The following DOCK3 variants were observed in gnomAD, a reference collection of about 807,000 sequenced individuals.
The protein encoded by DOCK3 is dedicator of cytokinesis protein 3.
Under a neutral mutation model 265.6 loss-of-function variants are expected in DOCK3, and 60 were observed. The observed-to-expected ratio is 0.23, with a 90% confidence interval of 0.18 to 0.28. The LOEUF (loss-of-function observed/expected upper bound fraction) is 0.28, where lower values mean the gene tolerates loss of function less well. DOCK3 is among the 10% of genes least tolerant of loss of function. The pLI is 1.00. For synonymous variants in DOCK3, 881 were observed against 938.0 expected (o/e 0.94, Z 1.11); for missense variants, 1,981 against 2,594.3 (o/e 0.76, Z 5.14).
chr3:50,734,381 A>AG (rs1411861410), intron 1 of DOCK3, among the ~76,000 whole-genome samples: 1 of 151,998 alleles, frequency 6.6e-6, no homozygotes, highest in African/African-American at 2.4e-5. Flanking sequence ...ATGCACCTGT[A>AG]GTCTCAGTTA....
chr3:51,246,964 C>T (rs892627807), intron 22 of DOCK3, among the ~76,000 whole-genome samples, 157 bp downstream of exon 22: 6 of 152,168 alleles, frequency 3.9e-5, no homozygotes, highest in Non-Finnish European at 7.3e-5. Context: ...CTTTCCTTAC[C>T]TTGATTTTGC....
At chr3:50,821,656 A>G (rs2044439809) in intron 2 of DOCK3, among the ~76,000 whole-genome samples, 2 of 152,166 alleles carry the variant, frequency 1.3e-5, no homozygotes, top group Non-Finnish European at 2.9e-5. Context: ...ATATATCTTG[A>G]GTAAATGTTT....
chr3:50,804,725 C>T (rs138355964), intron 2 of DOCK3, among the ~76,000 whole-genome samples: 79 of 139,682 alleles, frequency 5.7e-4, no homozygotes, highest in African/African-American at 2.1e-3. Flanking sequence ...AGAGGGAGAC[C>T]GTGGAGAGAG....
At chr3:51,133,074 A>G (rs895353148) in intron 9 of DOCK3, among the ~76,000 whole-genome samples, 1 of 152,318 alleles carries the variant, frequency 6.6e-6, no homozygotes, top group South Asian at 2.1e-4. Flanking sequence ...TAGAGCTGTA[A>G]CTAGACTAAG....
intron 32 of DOCK3, among the ~76,000 whole-genome samples, chr3:51,325,226 A>G (rs760448284): frequency 6.6e-6 from 1 of 151,512 alleles, no homozygotes; most frequent in Non-Finnish European, 1.5e-5. Context: ...AAGAAAAAAA[A>G]AACCCTATCA....
intron 21 of DOCK3, among the ~76,000 whole-genome samples, chr3:51,244,116 G>A (rs977488104): frequency 3.9e-5 from 6 of 152,102 alleles, no homozygotes; most frequent in African/African-American, 1.2e-4. Flanking sequence ...TAGCTTTGTG[G>A]TAAGTTTTGA....
rs148832307 is a variant in DOCK3 at position 50,906,383 on chromosome 3, C to G, written c.218+16302C>G. Among the ~76,000 whole-genome samples, 1,166 of 151,176 alleles carry G rather than the reference C, an allele frequency of 7.7e-3. 23 individuals carry two copies. Among genetic ancestry groups the G allele is most frequent in the African/African-American group, 0.027 (1,122 of 41,310 alleles). ...CTCTGGTCAAATTTGGCTGTGAATC[C>G]GTCTGGTCCTGCATTTTTTTTGGTT... On this transcript the variant is annotated intron_variant, in intron 4 of 52. Coordinates refer to ENST00000266037, the MANE Select transcript of DOCK3 (RefSeq NM_004947.5).
chr3:50,734,715 G>T (rs780637752), intron 1 of DOCK3, among the ~76,000 whole-genome samples: 1 of 140,796 alleles, frequency 7.1e-6, no homozygotes, highest in Non-Finnish European at 1.5e-5. Flanking sequence ...CCATTCTCCT[G>T]TGTCAGCCTC....
chr3:51,040,070 A>G (rs1430205347), intron 5 of DOCK3, among the ~76,000 whole-genome samples: 1 of 151,890 alleles, frequency 6.6e-6, no homozygotes, highest in Non-Finnish European at 1.5e-5. Context: ...ACTTTTCTCA[A>G]TATGATAAGC....
chr3:51,122,025 A>G (rs956430395), intron 9 of DOCK3, among the ~76,000 whole-genome samples: 1 of 152,156 alleles, frequency 6.6e-6, no homozygotes, highest in Admixed American at 6.5e-5. Context: ...GTACTTGATA[A>G]CTGCTCACTG....
At chr3:50,834,908 T>G (rs1208565088) in intron 2 of DOCK3, among the ~76,000 whole-genome samples, 1 of 152,216 alleles carries the variant, frequency 6.6e-6, no homozygotes, top group Non-Finnish European at 1.5e-5. Context: ...CCATATTTCA[T>G]TATTGCATTA....
intron 3 of DOCK3, among the ~76,000 whole-genome samples, chr3:50,868,379 G>GT (rs565395894): frequency 1.3e-5 from 2 of 151,884 alleles, no homozygotes; most frequent in African/African-American, 4.8e-5. Flanking sequence ...GCCTGCTTTT[G>GT]TTTTTTCTTT....
In DOCK3 at chr3:51,199,700, A is replaced by G. The variant is rs1576387343; in HGVS notation, c.1038-9074A>G. Among the ~76,000 whole-genome samples, 4 of 152,334 alleles carry G rather than the reference A, an allele frequency of 2.6e-5. No individual in the cohort carries two copies. In the South Asian group the frequency reaches 8.3e-4, roughly 32 times the overall value. On this transcript the variant is annotated intron_variant, in intron 12 of 52. Transcript: ENST00000266037. ...TGAAGAGAGCAGTGGTTCTCCCAGCACGCAGCTGGAGATCTGAGAATGGGC... is the reference window on the plus strand; with the variant it reads ...TGAAGAGAGCAGTGGTTCTCCCAGCGCGCAGCTGGAGATCTGAGAATGGGC...
intron 24 of DOCK3, among the ~76,000 whole-genome samples, chr3:51,273,765 A>T (rs2080648015): frequency 6.6e-6 from 1 of 152,208 alleles, no homozygotes; most frequent in Non-Finnish European, 1.5e-5. Context: ...CAAAGGACAG[A>T]TATGAACGAT....
At position 51,038,981 on chromosome 3, in the gene DOCK3, A is replaced by G. The variant is rs1015852318; in HGVS notation, c.316-25467A>G. Among the ~76,000 whole-genome samples, 3 of 151,716 alleles carry G rather than the reference A, an allele frequency of 2.0e-5. No individual in the cohort carries two copies. In the East Asian group the frequency reaches 5.8e-4, roughly 29 times the overall value. On this transcript the variant is annotated intron_variant, in intron 5 of 52. Coordinates refer to ENST00000266037, the MANE Select transcript of DOCK3 (RefSeq NM_004947.5). ...CTCTACACAGAATAATGTTGTATACATATTATTTAATTTTATTATTATTAT... is the reference window on the plus strand; with the variant it reads ...CTCTACACAGAATAATGTTGTATACGTATTATTTAATTTTATTATTATTAT...
intron 3 of DOCK3, among the ~76,000 whole-genome samples, chr3:50,866,292 C>G (rs568572043): frequency 6.6e-6 from 1 of 151,980 alleles, no homozygotes; most frequent in Admixed American, 6.6e-5. Context: ...TGAGACCATC[C>G]TGGCCAACAT....
chr3:51,375,934 C>T, intron 51 of DOCK3, 99 bp downstream of exon 51: 1 of 1,229,200 alleles, frequency 8.1e-7, no homozygotes, highest in African/African-American at 1.5e-5. Flanking sequence ...AGCCATACTT[C>T]AACACTCAGG....
intron 2 of DOCK3, among the ~76,000 whole-genome samples, chr3:50,796,192 C>G (rs1044224644): frequency 6.6e-6 from 1 of 151,710 alleles, no homozygotes; most frequent in African/African-American, 2.4e-5. Context: ...AGGCGCCCAC[C>G]ACCATGCCCA....
chr3:50,894,564 T>C (rs1043268975), intron 4 of DOCK3, among the ~76,000 whole-genome samples: 3 of 152,064 alleles, frequency 2.0e-5, no homozygotes. Flanking sequence ...TATACACATA[T>C]ACAGAATATT....
Sources: allele counts gnomAD v4.1 joint callset (sites outside exome capture counted in the v4.1 genomes callset), GRCh38; gene constraint gnomAD v4.1.1; transcripts MANE v1.5; gene names NCBI Gene and HGNC (gene_info 2026-07-23, HGNC 2026-07-21).